The following HSPG2 variants were observed in gnomAD, a reference collection of about 807,000 sequenced individuals.
HSPG2 encodes basement membrane-specific heparan sulfate proteoglycan core protein.
HSPG2 carries 278 observed loss-of-function variants against 526.6 expected under a neutral mutation model. That is an observed-to-expected ratio of 0.53 (90% confidence interval 0.48 to 0.58). HSPG2 has a LOEUF of 0.58. HSPG2 is among the 20% of genes least tolerant of loss of function. The probability of loss-of-function intolerance (pLI) is 0.00; values close to 1 mark genes in which losing one functional copy is unlikely to be tolerated. For missense variants in HSPG2, 5,354 were observed against 6,099.5 expected (o/e 0.88, Z 4.07); for synonymous variants, 2,465 against 2,555.4 (o/e 0.96, Z 1.07).
rs1021960289 is a variant in HSPG2, at chr1:21,859,581, C to T, written c.5278G>A (p.Glu1760Lys). The T allele has an allele frequency of 1.2e-6, 2 of 1,600,686 alleles. No individual in the cohort carries two copies. Among genetic ancestry groups the T allele is most frequent in the Admixed American group, 1.7e-5 (1 of 58,246 alleles). The change falls in exon 42 of 97, where the codon GAG (glutamate) becomes AAG (lysine). Residue 1760 changes from glutamate (E) to lysine (K), a missense_variant. Transcript: ENST00000374695. This position sits in a 1 kb window ranked among gnomAD's most constrained non-coding sequence, Gnocchi z 5.3. ...AGGGACTCACCAGTGACCAGCAGCT[C>T]TGCCCGGCTGGTATTGGATTGGTGG... ...NLHQSNTSRAELLVTEAPSKP... is the reference protein window; with the variant it reads ...NLHQSNTSRAKLLVTEAPSKP...
In HSPG2 at chr1:21,890,440, C is replaced by T; in HGVS notation, c.400G>A (p.Val134Met). The T allele has an allele frequency of 6.2e-7, 1 of 1,614,076 alleles. No homozygotes were observed. The highest frequency in any genetic ancestry group is 8.5e-7 in the Non-Finnish European group (1 of 1,180,018). The change falls in exon 5 of 97, where the codon GTG becomes ATG. Residue 134 changes from valine to methionine, a missense_variant. Val to Met is a conservative substitution (Grantham distance 21). Coordinates refer to ENST00000374695, the MANE Select transcript of HSPG2 (RefSeq NM_005529.7). This position sits in a 1 kb window ranked among gnomAD's most constrained non-coding sequence, Gnocchi z 4.1. ...LKIPGDQVVS[V>M]VFIKELDGWV... ...GCCCCTTCTCACTTGATGAACACCACACTGACAACCTGGTCTCCGGGAATT... is the reference window on the plus strand; with the variant it reads ...GCCCCTTCTCACTTGATGAACACCATACTGACAACCTGGTCTCCGGGAATT...
chr1:21,841,359 C>T, intron 70 of HSPG2, 74 bp from the exon 71 acceptor site: 1 of 1,593,916 alleles, frequency 6.3e-7, no homozygotes. Flanking sequence ...TGGCCTCCAG[C>T]TTAGTAACTG....
chr1:21,855,084 A>G (rs970383901), intron 47 of HSPG2, 101 bp from the exon 48 acceptor site: 1 of 1,457,634 alleles, frequency 6.9e-7, no homozygotes, highest in South Asian at 1.2e-5. Flanking sequence ...TGCAGGGCCA[A>G]TATTAGGGCC....
chr1:21,841,801 GT>G, intron 69 of HSPG2, 128 bp from the exon 70 acceptor site: 1 of 1,349,042 alleles, frequency 7.4e-7, no homozygotes, highest in Admixed American at 1.9e-5. Context: ...AGCTCATGGA[GT>G]CGCAGATAGC....
chr1:21,841,954 C>T, intron 69 of HSPG2, 48 bp downstream of exon 69: 1 of 1,608,082 alleles, frequency 6.2e-7, no homozygotes, highest in Non-Finnish European at 8.5e-7. Context: ...ATGACGGCAC[C>T]CCCATGCCTG....
chr1:21,878,898 T>C, intron 18 of HSPG2, 96 bp downstream of exon 18: 2 of 1,460,916 alleles, frequency 1.4e-6, no homozygotes, highest in Non-Finnish European at 1.9e-6. Context: ...CAGGTAGAGA[T>C]CTGAATCCAA....
chr1:21,874,288 C>A, intron 28 of HSPG2, 118 bp downstream of exon 28: 1 of 1,345,140 alleles, frequency 7.4e-7, no homozygotes, highest in Non-Finnish European at 1.0e-6. Flanking sequence ...TGACACTGAG[C>A]AGGCAGTAAG....
At chr1:21,823,831 T>C in intron 95 of HSPG2, 112 bp from the exon 96 acceptor site, 1 of 864,800 alleles carries the variant, frequency 1.2e-6, no homozygotes, top group African/African-American at 1.6e-5. Flanking sequence ...AGTCTGTCCC[T>C]GTTTCCCAAG....
chr1:21,844,426 G>C (rs1408871648), intron 64 of HSPG2, 127 bp from the exon 65 acceptor site: 1 of 1,078,146 alleles, frequency 9.3e-7, no homozygotes, highest in Non-Finnish European at 1.3e-6. Flanking sequence ...CCGTTCCATT[G>C]AGGCCTGGAG....
intron 1 of HSPG2, among the ~76,000 whole-genome samples, chr1:21,912,952 C>T (rs1218094269): frequency 2.6e-5 from 4 of 151,534 alleles, no homozygotes; most frequent in Non-Finnish European, 4.4e-5. Context: ...TGCACTCCAG[C>T]CTGGGCGAAA....
At position 21,834,794 on chromosome 1, in the gene HSPG2, C is replaced by T. The variant is rs777924661; in HGVS notation, c.10605G>A (p.Gln3535=). 1.2e-6 allele frequency: 2 copies of T among 1,614,144 alleles called. No individual in the cohort carries two copies. The highest frequency in any genetic ancestry group is 2.7e-5 in the African/African-American group (2 of 74,956). Residue 3535 remains glutamine, a synonymous_variant, in exon 77 of 97, where the codon CAG becomes CAA. Coordinates refer to ENST00000374695, the MANE Select transcript of HSPG2 (RefSeq NM_005529.7). The stretch of plus-strand genomic sequence containing the variant: ...GGGCGATCCTGACGACACCTCCGCT[C>T]TGCACAATGCCTGGCCGCAGGTGCC... ...VGGHLRPGIV[Q]SGGVVRIAHV... is the part of the protein sequence containing the mutation.
Position 21,890,164 on chromosome 1 carries a change from G to A in HSPG2, c.414-23C>T, listed in dbSNP as rs1642246585. 6.2e-7 allele frequency: 1 copy of A among 1,613,636 alleles called. No individual in the cohort carries two copies. Among genetic ancestry groups the A allele is most frequent in the Non-Finnish European group, 8.5e-7 (1 of 1,179,902 alleles). On this transcript the variant is annotated intron_variant, in intron 5 of 96. Coordinates refer to ENST00000374695, the MANE Select transcript of HSPG2 (RefSeq NM_005529.7). This position sits in a 1 kb window ranked among gnomAD's most constrained non-coding sequence, Gnocchi z 4.1. ...TCCCTGGGGATGGAGACAGGCAGGA[G>A]AGGAGGGTCAGCGAGACACCTGTGT...
At chr1:21,840,210 T>C (rs2098043160) in intron 71 of HSPG2, among the ~76,000 whole-genome samples, 193 bp from the exon 72 acceptor site, 3 of 152,224 alleles carry the variant, frequency 2.0e-5, no homozygotes, top group Admixed American at 2.0e-4. Flanking sequence ...ACCATCTGGC[T>C]CATTGCAACC....
chr1:21,914,952 C>G (rs1293962783), intron 1 of HSPG2, among the ~76,000 whole-genome samples: 1 of 152,238 alleles, frequency 6.6e-6, no homozygotes, highest in African/African-American at 2.4e-5. Context: ...AGAGCCCAGC[C>G]ACAGCCACGG....
chr1:21,869,506 G>A, intron 33 of HSPG2: 1 of 987,616 alleles, frequency 1.0e-6, no homozygotes, highest in Non-Finnish European at 1.2e-6. Flanking sequence ...TGAGGAAGAG[G>A]AGGAGGAGGA....
Position 21,855,635 on chromosome 1 carries a change from G to A in HSPG2, c.5742C>T (p.His1914=), listed in dbSNP as rs62642522. Residue 1914 remains histidine, a synonymous_variant, in exon 46 of 97, where the codon CAC becomes CAT. Coordinates refer to ENST00000374695, the MANE Select transcript of HSPG2 (RefSeq NM_005529.7). ...GGQLPAKAQI[H]GGILRLPAVE... ...CAGCTGGCAGGCGCAGGATGCCGCC[G>A]TGGATTTGTGCCTTCGCAGGGAGCT... 1.9e-3 allele frequency: 2,990 copies of A among 1,575,840 alleles called. 51 individuals carry two copies. The African/African-American group carries it at 0.032, about 17-fold the overall frequency.
At chr1:21,923,035 C>T (rs565947458) in intron 1 of HSPG2, among the ~76,000 whole-genome samples, 1 of 101,820 alleles carries the variant, frequency 9.8e-6, no homozygotes, top group East Asian at 2.7e-4. Flanking sequence ...CAAGACTGCG[C>T]CCTTCATTTA....
Position 21,847,933 on chromosome 1 carries a change from T to G in HSPG2, c.7873+25A>C, listed in dbSNP as rs2290501. 0.33 allele frequency: 539,336 copies of G among 1,613,542 alleles called. 93,940 individuals are homozygous for G. The highest frequency in any genetic ancestry group is 0.53 in the African/African-American group (39,906 of 74,934). On this transcript the variant is annotated intron_variant, in intron 60 of 96. Coordinates refer to ENST00000374695, the MANE Select transcript of HSPG2 (RefSeq NM_005529.7). This position sits in a 1 kb window ranked among gnomAD's most constrained non-coding sequence, Gnocchi z 4.1. ...TGCCACCCTCTGCGCCACTTGTCTG[T>G]ACCCCCTGCCCTCTCTGCTCTCACC...
At chr1:21,900,971 G>A (rs1200434923) in intron 1 of HSPG2, among the ~76,000 whole-genome samples, 1 of 152,136 alleles carries the variant, frequency 6.6e-6, no homozygotes, top group Non-Finnish European at 1.5e-5. Flanking sequence ...ACTCCACTCA[G>A]AGGGAAGAGT....
Sources: allele counts gnomAD v4.1 joint callset (sites outside exome capture counted in the v4.1 genomes callset), GRCh38; gene constraint gnomAD v4.1.1; non-coding constraint Gnocchi (gnomAD v3.1); transcripts MANE v1.5; gene names NCBI Gene and HGNC (gene_info 2026-07-23, HGNC 2026-07-21).